Variants in ACSS1 observed in about 807,000 individuals in gnomAD.
ACSS1 encodes acyl-CoA synthetase short chain family member 1, also known as acetyl-coenzyme A synthetase 2-like, mitochondrial.
ACSS1 carries 42 observed loss-of-function variants against 75.3 expected under a neutral mutation model. The ratio of observed to expected loss-of-function variants is 0.56; its 90% CI spans 0.44 to 0.72. The LOEUF is 0.72. Among genes scored for constraint, ACSS1 ranks in the 30% least tolerant of loss-of-function variants. The probability of loss-of-function intolerance (pLI) is 0.00; values close to 1 mark genes in which losing one functional copy is unlikely to be tolerated. For missense variants in ACSS1, 782 were observed against 935.7 expected (o/e 0.84, Z 2.14); for synonymous variants, 380 against 376.8 (o/e 1.01, Z -0.10).
intron 2 of ACSS1, chr20:25,032,580 G>A (rs1673784062): frequency 8.0e-7 from 1 of 1,244,214 alleles, no homozygotes; most frequent in South Asian, 3.7e-5. Context: ...GGGCGGGGCA[G>A]ACCACCAGCC....
rs1235883751 is a variant in ACSS1 at position 25,030,443 on chromosome 20, C to G, written c.631+316G>C. On this transcript the variant is annotated intron_variant, in intron 3 of 13. Transcript: ENST00000323482. Reference sequence around the variant, plus strand: ...TGCATCTCCAGCCTTATCCCACCTCCACACTTCCCTCCTGCCGCACTACAC... The same window carrying G: ...TGCATCTCCAGCCTTATCCCACCTCGACACTTCCCTCCTGCCGCACTACAC... 2.0e-5 allele frequency among the ~76,000 whole-genome samples: 3 copies of G among 152,174 alleles called. No homozygotes were observed. In the East Asian group the frequency reaches 5.8e-4, roughly 29 times the overall value.
intron 5 of ACSS1, among the ~76,000 whole-genome samples, chr20:25,022,692 T>C (rs1286499081): frequency 1.3e-5 from 2 of 152,274 alleles, no homozygotes; most frequent in Non-Finnish European, 2.9e-5. Context: ...TGGCCCTTAG[T>C]GTCCTGCTGC....
chr20:25,039,695 C>G (rs6115009), intron 2 of ACSS1, among the ~76,000 whole-genome samples: 18,041 of 152,284 alleles, frequency 0.12, 1,141 homozygotes, highest in Middle Eastern at 0.14. Context: ...TCTCCTCTAA[C>G]CAGAGCCCAG....
chr20:25,027,025 G>A (rs561481385), intron 3 of ACSS1, among the ~76,000 whole-genome samples: 1 of 152,356 alleles, frequency 6.6e-6, no homozygotes, highest in East Asian at 1.9e-4. Context: ...AGAGAGAAAA[G>A]GGGCAGCTTA....
rs1382074161 is a variant in ACSS1 at position 25,033,356 on chromosome 20, G to A, written c.432-2398C>T. Among the ~76,000 whole-genome samples the A allele has an allele frequency of 3.3e-5, 5 of 152,210 alleles. No individual in the cohort carries two copies. In the East Asian group the frequency reaches 5.8e-4, roughly 18 times the overall value. The stretch of plus-strand genomic sequence containing the variant: ...GAAAGGCCTGGGGTAGCTTTCTGTA[G>A]TAGCTGCCTAGACATGGGAGCTTAT... On this transcript the variant is annotated intron_variant, in intron 2 of 13. Coordinates refer to ENST00000323482, the MANE Select transcript of ACSS1 (RefSeq NM_032501.4).
At chr20:25,020,176 C>G in intron 6 of ACSS1, 29 bp from the exon 7 acceptor site, 2 of 1,613,504 alleles carry the variant, frequency 1.2e-6, no homozygotes, top group Non-Finnish European at 1.7e-6. Flanking sequence ...TCACTGTCAG[C>G]AGGAGAGCTG....
intron 1 of ACSS1, among the ~76,000 whole-genome samples, chr20:25,049,240 A>C (rs536540116): frequency 6.6e-6 from 1 of 152,352 alleles, no homozygotes; most frequent in African/African-American, 2.4e-5. Context: ...CAAACTAAGA[A>C]GGGGATCAGT....
intron 1 of ACSS1, among the ~76,000 whole-genome samples, chr20:25,052,156 G>T (rs541870896): frequency 8.9e-4 from 136 of 152,258 alleles, no homozygotes; most frequent in African/African-American, 3.2e-3. Context: ...TAGAAAGGAG[G>T]GGGAGGAAGG....
At chr20:25,046,713 G>A (rs905623071) in intron 2 of ACSS1, 61 of 745,238 alleles carry the variant, frequency 8.2e-5, no homozygotes, top group Non-Finnish European at 1.3e-4. Flanking sequence ...TGGGCCCACC[G>A]TGGCGAGGGG....
intron 1 of ACSS1, among the ~76,000 whole-genome samples, chr20:25,050,541 C>T (rs2122760633): frequency 1.3e-5 from 2 of 152,240 alleles, no homozygotes; most frequent in Non-Finnish European, 2.9e-5. Flanking sequence ...CCAAATTTGA[C>T]CCTGGAGCCC....
chr20:25,006,988 A>G lies in ACSS1; in HGVS notation c.*774T>C. On this transcript the variant is annotated 3_prime_UTR_variant, in exon 14 of 14. Transcript: ENST00000323482. ...AATCTTTCTGGATCACAGCTTGAAGAAACAGAACATAACTGGAGTAGCTTC... is the reference window on the plus strand; with the variant it reads ...AATCTTTCTGGATCACAGCTTGAAGGAACAGAACATAACTGGAGTAGCTTC... The G allele has an allele frequency of 6.5e-7, 1 of 1,534,532 alleles. No homozygotes were observed. The highest frequency in any genetic ancestry group is 1.4e-5 in the African/African-American group (1 of 73,108).
chr20:25,014,012 G>A lies in ACSS1; in HGVS notation c.1401C>T (p.Ala467=), dbSNP rs1377371921. ...TGCCAAAGAAGGGCCTCATCGCCAT[G>A]GCAGGGAGGATTTCCGCCCCTTCTT... ...PSEEGAEILP[A]MAMRPFFGIV... is the part of the protein sequence containing the mutation. The change falls in exon 9 of 14, where the codon GCC becomes GCT. Residue 467 remains alanine, a synonymous_variant. Transcript: ENST00000323482. 6.2e-7 allele frequency: 1 copy of A among 1,613,764 alleles called. No individual in the cohort carries two copies. Among genetic ancestry groups the A allele is most frequent in the African/African-American group, 1.3e-5 (1 of 74,946 alleles).
At chr20:25,015,042 C>T (rs2088491658) in intron 8 of ACSS1, 96 bp downstream of exon 8, 1 of 1,084,760 alleles carries the variant, frequency 9.2e-7, no homozygotes, top group Non-Finnish European at 1.3e-6. Flanking sequence ...TCTTCTATCG[C>T]ACCTGCTGTT....
At chr20:25,024,299 G>A (rs1009846861) in intron 3 of ACSS1, among the ~76,000 whole-genome samples, 1 of 152,224 alleles carries the variant, frequency 6.6e-6, no homozygotes, top group Non-Finnish European at 1.5e-5. Context: ...GCTAACCTAG[G>A]GGTAGGCCCA....
At chr20:25,026,801 A>G (rs1442955211) in intron 3 of ACSS1, among the ~76,000 whole-genome samples, 1 of 152,196 alleles carries the variant, frequency 6.6e-6, no homozygotes, top group Non-Finnish European at 1.5e-5. Flanking sequence ...AGCTGCACAA[A>G]AAGGCTGAAG....
At chr20:25,025,839 G>A (rs1190319227) in intron 3 of ACSS1, among the ~76,000 whole-genome samples, 1 of 152,038 alleles carries the variant, frequency 6.6e-6, no homozygotes, top group Admixed American at 6.6e-5. Flanking sequence ...CACTTCCTCT[G>A]CCTCTAGTTG....
chr20:25,032,649 C>T (rs997651074), intron 2 of ACSS1: 3 of 1,222,062 alleles, frequency 2.5e-6, no homozygotes, highest in Admixed American at 4.3e-5. Context: ...CTCTCAAGGC[C>T]GCTCGCAGCG....
At chr20:25,016,134 C>T (rs778503178) in intron 7 of ACSS1, among the ~76,000 whole-genome samples, 3 of 152,182 alleles carry the variant, frequency 2.0e-5, no homozygotes, top group Non-Finnish European at 2.9e-5. Context: ...CGACCCACAG[C>T]GGCACTGGTG....
rs756120383 is a variant in ACSS1, at chr20:25,030,899, C to T, written c.491G>A (p.Arg164His). ...CATGTAGATGGCAACACGGTCCCCACGGTGGACTCCATGCCTCTTCAGCGT... is the reference window on the plus strand; with the variant it reads ...CATGTAGATGGCAACACGGTCCCCATGGTGGACTCCATGCCTCTTCAGCGT... ...ANTLKRHGVH[R>H]GDRVAIYMPV... Residue 164 changes from arginine (R) to histidine (H), a missense_variant, in exon 3 of 14, where the codon CGT (arginine) becomes CAT (histidine). Physicochemically the swap from Arg to His is conservative, Grantham distance 29. Coordinates refer to ENST00000323482, the MANE Select transcript of ACSS1 (RefSeq NM_032501.4). 16 of 1,614,254 alleles carry T rather than the reference C, an allele frequency of 9.9e-6. No individual in the cohort carries two copies. Among genetic ancestry groups the T allele is most frequent in the East Asian group, 4.5e-5 (2 of 44,882 alleles).
Sources: allele counts gnomAD v4.1 joint callset (sites outside exome capture counted in the v4.1 genomes callset), GRCh38; gene constraint gnomAD v4.1.1; transcripts MANE v1.5; gene names NCBI Gene and HGNC (gene_info 2026-07-23, HGNC 2026-07-21).